The following FNBP1L variants were observed in gnomAD, a reference collection of about 807,000 sequenced individuals.
The protein encoded by FNBP1L is formin binding protein 1 like.
In FNBP1L, 36 loss-of-function variants were observed where a neutral mutation model predicts 91.2. The observed-to-expected ratio is 0.39, with a 90% CI of 0.30 to 0.52. FNBP1L has a LOEUF of 0.52. FNBP1L is among the 20% of genes least tolerant of loss of function. FNBP1L has a pLI of 0.66. For synonymous variants in FNBP1L, 242 were observed against 237.0 expected, an observed-to-expected ratio of 1.02 and a Z score of -0.19; for missense variants, 571 against 732.1, an observed-to-expected ratio of 0.78 and a Z score of 2.54.
chr1:93,500,133 A>G (rs1670396674), intron 2 of FNBP1L, among the ~76,000 whole-genome samples: 1 of 152,208 alleles, frequency 6.6e-6, no homozygotes, highest in South Asian at 2.1e-4. Context: ...GCTGGAACTT[A>G]TTCAGTAAAA....
chr1:93,486,847 G>A (rs1365369316), intron 1 of FNBP1L, among the ~76,000 whole-genome samples: 1 of 152,126 alleles, frequency 6.6e-6, no homozygotes, highest in Non-Finnish European at 1.5e-5. Context: ...CTACACTTAA[G>A]TGTTTTCTTT....
intron 1 of FNBP1L, among the ~76,000 whole-genome samples, chr1:93,478,496 G>A (rs1669576769): frequency 6.6e-6 from 1 of 152,194 alleles, no homozygotes; most frequent in African/African-American, 2.4e-5. Flanking sequence ...CCAGCCTCAG[G>A]ATAGTAGAAC....
intron 1 of FNBP1L, among the ~76,000 whole-genome samples, chr1:93,454,900 CTGTTT>C (rs1456499358): frequency 6.6e-6 from 1 of 151,100 alleles, no homozygotes; most frequent in African/African-American, 2.4e-5. Flanking sequence ...ATATACTGTG[CTGTTT>C]TATTTTTATT....
At chr1:93,479,765 G>C (rs933891026) in intron 1 of FNBP1L, among the ~76,000 whole-genome samples, 2 of 152,242 alleles carry the variant, frequency 1.3e-5, no homozygotes, top group Middle Eastern at 3.4e-3. Flanking sequence ...CAGACCTTAT[G>C]GTTGTCTTCC....
At chr1:93,533,463 C>T (rs1394680975) in intron 8 of FNBP1L, among the ~76,000 whole-genome samples, 1 of 151,994 alleles carries the variant, frequency 6.6e-6, no homozygotes, top group Non-Finnish European at 1.5e-5. Context: ...GGAGTGATGA[C>T]CAATGAGGAG....
chr1:93,470,765 C>T lies in FNBP1L; in HGVS notation c.24+22460C>T, dbSNP rs7525388. Reference sequence around the variant, plus strand: ...GTGCATGCCTGTAATCCCAGCTATTCGGGAGGCTGAGGCAGGAGAATGGCG... The same window carrying T: ...GTGCATGCCTGTAATCCCAGCTATTTGGGAGGCTGAGGCAGGAGAATGGCG... On this transcript the variant is annotated intron_variant, in intron 1 of 16. Coordinates refer to ENST00000271234, the MANE Select transcript of FNBP1L (RefSeq NM_001164473.3). Among the ~76,000 whole-genome samples, 961 of 150,890 alleles carry T rather than the reference C, an allele frequency of 6.4e-3. 7 individuals are homozygous for T. The highest frequency in any genetic ancestry group is 0.022 in the African/African-American group (894 of 41,066).
chr1:93,456,099 C>G (rs902748555), intron 1 of FNBP1L, among the ~76,000 whole-genome samples: 3 of 152,124 alleles, frequency 2.0e-5, no homozygotes, highest in Non-Finnish European at 4.4e-5. Flanking sequence ...GACACTATCT[C>G]CAAGGAAAAA....
intron 1 of FNBP1L, among the ~76,000 whole-genome samples, chr1:93,452,662 A>G (rs1668535786): frequency 6.6e-6 from 1 of 152,194 alleles, no homozygotes; most frequent in African/African-American, 2.4e-5. Flanking sequence ...TCTGTGCTCC[A>G]CAATCGTCCT....
chr1:93,498,091 T>C (rs1670328452), intron 1 of FNBP1L, among the ~76,000 whole-genome samples: 1 of 152,138 alleles, frequency 6.6e-6, no homozygotes, highest in Non-Finnish European at 1.5e-5. Flanking sequence ...TAACTACATA[T>C]AATTGTTTTT....
intron 1 of FNBP1L, among the ~76,000 whole-genome samples, chr1:93,472,127 G>GT (rs1364275399): frequency 1.3e-5 from 2 of 152,114 alleles, no homozygotes; most frequent in Non-Finnish European, 2.9e-5. Context: ...AGAAATTTGT[G>GT]TTTTTTGAAA....
intron 2 of FNBP1L, among the ~76,000 whole-genome samples, chr1:93,509,596 C>A (rs965076757): frequency 2.6e-5 from 4 of 152,198 alleles, no homozygotes; most frequent in Admixed American, 2.0e-4. Context: ...AAAATGTAGT[C>A]AATCGGAGGA....
chr1:93,511,336 T>C (rs1329504256), intron 2 of FNBP1L, among the ~76,000 whole-genome samples: 1 of 152,148 alleles, frequency 6.6e-6, no homozygotes, highest in Non-Finnish European at 1.5e-5. Context: ...CAACCCAGAA[T>C]TTCATATCCA....
chr1:93,448,883 C>T (rs1184025243), intron 1 of FNBP1L, among the ~76,000 whole-genome samples: 1 of 152,148 alleles, frequency 6.6e-6, no homozygotes, highest in Non-Finnish European at 1.5e-5. Flanking sequence ...GCCAGCCAGG[C>T]CCAGCCCACA....
chr1:93,461,106 G>A (rs1379510869), intron 1 of FNBP1L, among the ~76,000 whole-genome samples: 1 of 152,148 alleles, frequency 6.6e-6, no homozygotes. Context: ...CTGGAAAGAT[G>A]TCTGTTAAAA....
At chr1:93,537,269 TTC>T (rs1671880357) in intron 10 of FNBP1L, among the ~76,000 whole-genome samples, 1 of 152,086 alleles carries the variant, frequency 6.6e-6, no homozygotes, top group African/African-American at 2.4e-5. Context: ...AAAACATAGG[TTC>T]ATTAACCCAT....
At chr1:93,518,624 T>G (rs1414272625) in intron 2 of FNBP1L, among the ~76,000 whole-genome samples, 8 of 152,110 alleles carry the variant, frequency 5.3e-5, no homozygotes, top group Non-Finnish European at 1.2e-4. Context: ...TAGATAAATT[T>G]CATTTTAGAC....
intron 1 of FNBP1L, among the ~76,000 whole-genome samples, chr1:93,494,741 A>G (rs1164790174): frequency 3.3e-4 from 50 of 152,236 alleles, no homozygotes. Context: ...AAGACATCCA[A>G]GACTGGATAA....
intron 2 of FNBP1L, among the ~76,000 whole-genome samples, chr1:93,507,103 ACACACTCTCTCTCTCTCTCTCT>A (rs1557798047): frequency 1.7e-3 from 87 of 52,548 alleles, no homozygotes; most frequent in Non-Finnish European, 2.0e-3. Context: ...ACACACACAC[ACACACTCTCTCTCTCTCTCTCT>A]CTCTCTCTCT....
chr1:93,523,793 T>C (rs1293760938), intron 4 of FNBP1L, among the ~76,000 whole-genome samples: 1 of 152,220 alleles, frequency 6.6e-6, no homozygotes, highest in Non-Finnish European at 1.5e-5. Context: ...TTTCATGACA[T>C]TGACAATTAT....
Sources: allele counts gnomAD v4.1 joint callset (sites outside exome capture counted in the v4.1 genomes callset), GRCh38; gene constraint gnomAD v4.1.1; transcripts MANE v1.5; gene names NCBI Gene and HGNC (gene_info 2026-07-23, HGNC 2026-07-21).